Variants in GSTM5 observed in about 807,000 individuals in gnomAD.
The protein encoded by GSTM5 is glutathione S-transferase mu 5.
In GSTM5, 24 loss-of-function variants were observed where a neutral mutation model predicts 29.0. The observed-to-expected ratio is 0.83, with a 90% CI of 0.60 to 1.16. The LOEUF (loss-of-function observed/expected upper bound fraction) is 1.16. Ranked by LOEUF, GSTM5 falls within the 50% of genes most tolerant of loss-of-function variation. The pLI is 0.00. For synonymous variants in GSTM5, 91 were observed against 93.6 expected (o/e 0.97, Z 0.16); for missense variants, 290 against 263.0 (o/e 1.10, Z -0.71).
intron 2 of GSTM5, chr1:109,712,896 T>A (rs898619144): frequency 6.0e-6 from 5 of 840,334 alleles, no homozygotes; most frequent in African/African-American, 3.4e-5. Context: ...TCTAATTGGG[T>A]TGGGTGTCCC....
chr1:109,712,646 AATACAC>A lies in GSTM5; in HGVS notation c.67_72del (p.Tyr23_Thr24del). ...GCCCACGCCATCCGCTTGCTCCTGG[AATACAC>A]AGACTCAAGCTATGTGGAAAAGAAG... On this transcript the variant is annotated inframe_deletion, in exon 2 of 8. Coordinates refer to ENST00000256593, the MANE Select transcript of GSTM5 (RefSeq NM_000851.4). 1.9e-6 allele frequency: 3 copies of A among 1,614,146 alleles called. No homozygotes were observed. Among genetic ancestry groups the A allele is most frequent in the Non-Finnish European group, 2.5e-6 (3 of 1,180,014 alleles).
In GSTM5 at chr1:109,717,786, T is replaced by G; in HGVS notation, c.*360T>G. On this transcript the variant is annotated 3_prime_UTR_variant, in exon 8 of 8. Transcript: ENST00000256593. ...AGACCATCTGTATGCCCTGCTCCCT[T>G]TGCTGGGTCCCTACCCCAGCTCCGT... 5.3e-6 allele frequency: 1 copy of G among 190,296 alleles called. No individual in the cohort carries two copies. The allele number at this position is 190,296 out of a possible 1,614,324, so 11.8% of individuals were successfully genotyped here.
At chr1:109,713,604 C>A in intron 4 of GSTM5, 39 bp downstream of exon 4, 1 of 1,614,162 alleles carries the variant, frequency 6.2e-7, no homozygotes, top group Non-Finnish European at 8.5e-7. Flanking sequence ...GGGAAGGTGA[C>A]CTCCTCCTTG....
Position 109,713,137 on chromosome 1 carries a change from G to A in GSTM5, c.131G>A (p.Ser44Asn). The A allele has an allele frequency of 1.2e-6, 2 of 1,612,622 alleles. No individual in the cohort carries two copies. Among genetic ancestry groups the A allele is most frequent in the African/African-American group, 2.7e-5 (2 of 75,026 alleles). The change falls in exon 3 of 8, where the codon AGC (serine) becomes AAC (asparagine). Residue 44 changes from serine to asparagine, a missense_variant. Transcript: ENST00000256593. ...TLGDAPDYDR[S>N]QWLNEKFKLG... The stretch of plus-strand genomic sequence containing the variant: ...ACCACAGCTCCTGACTATGACAGAA[G>A]CCAGTGGCTGAATGAAAAATTCAAG...
intron 7 of GSTM5, chr1:109,715,643 G>A: frequency 2.9e-6 from 2 of 694,044 alleles, no homozygotes; most frequent in East Asian, 3.1e-5. Context: ...TTTGAAAGAG[G>A]CAGAGCACTT....
In GSTM5 at chr1:109,712,797, A is replaced by G. The variant is rs139092225; in HGVS notation, c.112+104A>G. 3,477 of 1,298,502 alleles carry G rather than the reference A, an allele frequency of 2.7e-3. 70 individuals carry two copies. The African/African-American group carries it at 0.045, about 17-fold the overall frequency. 80.4% of individuals were successfully genotyped at this position (1,298,502 alleles called of 1,614,324 possible). ...TGCCTCTGCAGGCCTCCCCTGCTGG[A>G]GCTGCAGGCTGTCCCTTCCCTGAGC... On this transcript the variant is annotated intron_variant, in intron 2 of 7. Coordinates refer to ENST00000256593, the MANE Select transcript of GSTM5 (RefSeq NM_000851.4).
In GSTM5 at chr1:109,713,719, T is replaced by C. The variant is rs376552617; in HGVS notation, c.318T>C (p.Asp106=). 3.0e-5 allele frequency: 48 copies of C among 1,611,534 alleles called. No homozygotes were observed. The African/African-American group carries it at 5.1e-4, about 17-fold the overall frequency. The change falls in exon 5 of 8, where the codon GAT becomes GAC. Residue 106 remains aspartate, a synonymous_variant. Transcript: ENST00000256593. ...ACATTTTGGAGAACCAGGTTATGGA[T>C]AACCACATGGAGCTGGTCAGACTGT... ...RVDILENQVM[D]NHMELVRLCY...
upstream of GSTM5, chr1:109,712,205 C>T: frequency 8.6e-7 from 1 of 1,162,864 alleles, no homozygotes; most frequent in Non-Finnish European, 1.2e-6. Flanking sequence ...TTGTGGCGGG[C>T]CGAGGGGCGG....
At chr1:109,715,457 T>C in intron 7 of GSTM5, 2 of 1,522,718 alleles carry the variant, frequency 1.3e-6, no homozygotes, top group Non-Finnish European at 1.8e-6. Context: ...ATTTTAGAGA[T>C]AAGAAAACTG....
At chr1:109,712,232 C>T (rs1276849358), upstream of GSTM5, 5 of 1,484,726 alleles carry the variant, frequency 3.4e-6, no homozygotes, top group Admixed American at 3.3e-5. Flanking sequence ...AGCAAGGCCC[C>T]GCCTGTCCCC....
At chr1:109,715,802 GGCTGGA>G (rs1405154726) in intron 7 of GSTM5, 1 of 413,784 alleles carries the variant, frequency 2.4e-6, no homozygotes, top group Non-Finnish European at 4.5e-6. Flanking sequence ...CCGGAGCTGT[GGCTGGA>G]GCTGGATTAG....
chr1:109,712,731 G>T (rs1648603255), intron 2 of GSTM5, 38 bp downstream of exon 2: 1 of 1,606,836 alleles, frequency 6.2e-7, no homozygotes, highest in African/African-American at 1.3e-5. Context: ...GCCCACTCAC[G>T]CTGAGTTGGC....
intron 3 of GSTM5, 111 bp from the exon 4 acceptor site, chr1:109,713,373 T>G: frequency 6.8e-7 from 1 of 1,477,998 alleles, no homozygotes; most frequent in Non-Finnish European, 9.5e-7. Flanking sequence ...TATTTCTATC[T>G]CAGGCCTGCC....
rs1013670950 is a variant in GSTM5, at chr1:109,717,681, CCTGA to C, written c.*259_*262del. 3 of 435,108 alleles carry C rather than the reference CCTGA, an allele frequency of 6.9e-6. No homozygotes were observed. Among genetic ancestry groups the C allele is most frequent in the African/African-American group, 6.0e-5 (3 of 49,732 alleles). 27.0% of individuals were successfully genotyped at this position (435,108 alleles called of 1,614,324 possible). A position where few individuals can be genotyped will look rare whatever the true frequency, so the allele number is the denominator to read the frequency against. On this transcript the variant is annotated 3_prime_UTR_variant, in exon 8 of 8. Coordinates refer to ENST00000256593, the MANE Select transcript of GSTM5 (RefSeq NM_000851.4). ...CTTCCTTTCCCTGCACTAACGCCAA[CCTGA>C]CTGCTTTTCCTGTCAGTGCTTTTCT...
Position 109,717,468 on chromosome 1 carries a change from G to A in GSTM5, c.*42G>A, listed in dbSNP as rs759041825. On this transcript the variant is annotated 3_prime_UTR_variant, in exon 8 of 8. Coordinates refer to ENST00000256593, the MANE Select transcript of GSTM5 (RefSeq NM_000851.4). The stretch of plus-strand genomic sequence containing the variant: ...AAGATGGGAGGGAGGAGCCAACCTT[G>A]CTGCCTGCGACCCTGGAGGACAGCC... 4.3e-6 allele frequency: 6 copies of A among 1,402,780 alleles called. No homozygotes were observed. In the South Asian group the frequency reaches 6.9e-5, roughly 16 times the overall value. The allele number at this position is 1,402,780 out of a possible 1,614,324, so 86.9% of individuals were successfully genotyped here.
chr1:109,714,844 G>A, intron 5 of GSTM5, 103 bp from the exon 6 acceptor site: 1 of 1,064,066 alleles, frequency 9.4e-7, no homozygotes, highest in South Asian at 1.3e-5. Flanking sequence ...GGGGAAGATG[G>A]CTGCTTGCCT....
intron 4 of GSTM5, 25 bp downstream of exon 4, chr1:109,713,590 C>T (rs749403552): frequency 3.0e-5 from 48 of 1,613,818 alleles, no homozygotes; most frequent in Middle Eastern, 1.6e-4. Flanking sequence ...CTGCAATGTG[C>T]GGGGGGAAGG....
At chr1:109,711,805 CAG>C (rs560153966), upstream of GSTM5, among the ~76,000 whole-genome samples, 14 of 150,888 alleles carry the variant, frequency 9.3e-5, no homozygotes, top group East Asian at 1.4e-3. Flanking sequence ...CTTACAGTGA[CAG>C]GGGCTGAATT....
At position 109,713,771 on chromosome 1, in the gene GSTM5, A is replaced by C. The variant is rs377462045; in HGVS notation, c.360+10A>C. The C allele has an allele frequency of 3.1e-6, 5 of 1,607,238 alleles. No homozygotes were observed. The South Asian group carries it at 3.3e-5, about 11-fold the overall frequency. On this transcript the variant is annotated intron_variant, in intron 5 of 7. Coordinates refer to ENST00000256593, the MANE Select transcript of GSTM5 (RefSeq NM_000851.4). ...CTATGACCCAGATTTTGTGAGTCCC[A>C]CACCCCACTCCCAGTCACCCATTTC... is the stretch of plus-strand genomic sequence containing the variant.
Sources: allele counts gnomAD v4.1 joint callset (sites outside exome capture counted in the v4.1 genomes callset), GRCh38; gene constraint gnomAD v4.1.1; transcripts MANE v1.5; gene names NCBI Gene and HGNC (gene_info 2026-07-23, HGNC 2026-07-21).